The following ZMYND8 variants were observed in gnomAD, a reference collection of about 807,000 sequenced individuals.
ZMYND8 encodes zinc finger MYND-type containing 8.
Under a neutral mutation model 140.8 loss-of-function variants are expected in ZMYND8, and 37 were observed. The observed-to-expected ratio is 0.26, with a 90% CI of 0.20 to 0.35. ZMYND8 has a LOEUF of 0.35. Ranked by LOEUF, ZMYND8 falls within the 10% of genes least tolerant of loss-of-function variation. The probability of loss-of-function intolerance (pLI) is 1.00; values close to 1 mark genes in which losing one functional copy is unlikely to be tolerated. For missense variants in ZMYND8, 1,068 were observed against 1,570.0 expected, an observed-to-expected ratio of 0.68 and a Z score of 5.40; for synonymous variants, 592 against 597.1, an observed-to-expected ratio of 0.99 and a Z score of 0.12.
In ZMYND8 at chr20:47,255,108, C is replaced by T. The variant is rs544743365; in HGVS notation, c.1622-5669G>A. Among the ~76,000 whole-genome samples the T allele has an allele frequency of 1.7e-4, 26 of 152,170 alleles. No homozygotes were observed. The South Asian group carries it at 5.4e-3, about 32-fold the overall frequency. ...TGCACACCAGCCTGGGCAAACAGAG[C>T]GACGCTCCATCTCAAAAAAATAAAT... On this transcript the variant is annotated intron_variant, in intron 12 of 22. Transcript: ENST00000471951.
chr20:47,212,578 G>C (rs2035438868), intron 22 of ZMYND8, 64 bp downstream of exon 22: 21 of 1,563,990 alleles, frequency 1.3e-5, no homozygotes, highest in South Asian at 6.7e-5. Flanking sequence ...GACACACACA[G>C]AACAAGCCTT....
Position 47,246,308 on chromosome 20 carries a change from C to T in ZMYND8, c.1984G>A (p.Val662Met), listed in dbSNP as rs1293509260. The T allele has an allele frequency of 1.2e-6, 2 of 1,614,060 alleles. No homozygotes were observed. The highest frequency in any genetic ancestry group is 2.7e-5 in the African/African-American group (2 of 74,904). ...CTTTTCAGCTCCTCTTTAATCTCCA[C>T]TGGGTTTGTAGGCTTGGGCTTTTTT... ...VKKKPKPTNP[V>M]EIKEELKSTS... The change falls in exon 14 of 23, where the codon GTG becomes ATG. Residue 662 changes from valine (V) to methionine (M), a missense_variant. This residue lies in a region of ZMYND8 where 383 missense variants were observed against 431.2 expected (regional missense o/e 0.89). Coordinates refer to ENST00000471951, the MANE Select transcript of ZMYND8 (RefSeq NM_001281775.3).
At chr20:47,282,586 G>A (rs6063096) in intron 9 of ZMYND8, among the ~76,000 whole-genome samples, 31,889 of 151,986 alleles carry the variant, frequency 0.21, 4,136 homozygotes, top group Non-Finnish European at 0.29. Context: ...TTAACCAGGC[G>A]TGGTGGCACA....
chr20:47,328,643 T>C (rs965332978), intron 2 of ZMYND8, among the ~76,000 whole-genome samples: 2 of 152,130 alleles, frequency 1.3e-5, no homozygotes, highest in Non-Finnish European at 2.9e-5. Flanking sequence ...TTTGTATTTT[T>C]AGTAGAGACA....
intron 1 of ZMYND8, 118 bp from the exon 2 acceptor site, chr20:47,348,044 A>C (rs1224480782): frequency 2.0e-6 from 2 of 997,698 alleles, no homozygotes; most frequent in Non-Finnish European, 3.1e-6. Flanking sequence ...ATCCTTATCC[A>C]GGGCTGGGGG....
chr20:47,282,020 A>G, intron 10 of ZMYND8, 82 bp downstream of exon 10: 1 of 1,095,848 alleles, frequency 9.1e-7, no homozygotes, highest in Middle Eastern at 2.1e-4. Flanking sequence ...TAATAGCTGC[A>G]GCCTCCACTT....
intron 2 of ZMYND8, among the ~76,000 whole-genome samples, chr20:47,321,856 CTTTTTTTTT>C (rs60425976): frequency 1.3e-4 from 16 of 123,480 alleles, no homozygotes; most frequent in Non-Finnish European, 2.2e-4. Flanking sequence ...ACTCGCCGCC[CTTTTTTTTT>C]TTTTTTTTTT....
At chr20:47,232,368 A>G (rs1179857925) in intron 16 of ZMYND8, among the ~76,000 whole-genome samples, 1 of 149,068 alleles carries the variant, frequency 6.7e-6, no homozygotes, top group Non-Finnish European at 1.5e-5. Context: ...CCTTGTCTCA[A>G]AAATAAATAA....
chr20:47,248,997 A>G (rs969287869), intron 13 of ZMYND8, among the ~76,000 whole-genome samples: 3 of 152,124 alleles, frequency 2.0e-5, no homozygotes, highest in Non-Finnish European at 4.4e-5. Context: ...GGCAAAACTC[A>G]GAGGATCCTC....
intron 2 of ZMYND8, among the ~76,000 whole-genome samples, chr20:47,338,971 C>CTTT (rs141938915): frequency 4.3e-5 from 6 of 137,966 alleles, no homozygotes; most frequent in Admixed American, 7.3e-5. Flanking sequence ...ACAATTATTT[C>CTTT]TTTTTTTTTT....
chr20:47,342,603 T>C (rs984934285), intron 2 of ZMYND8, among the ~76,000 whole-genome samples: 1 of 149,268 alleles, frequency 6.7e-6, no homozygotes, highest in African/African-American at 2.5e-5. Flanking sequence ...CCCAGCACTT[T>C]GGGAGGCTGA....
chr20:47,338,491 G>C (rs572184936), intron 2 of ZMYND8, among the ~76,000 whole-genome samples: 1 of 152,156 alleles, frequency 6.6e-6, no homozygotes, highest in East Asian at 1.9e-4. Flanking sequence ...AGATCACTGG[G>C]ACTGAACAAG....
chr20:47,337,089 C>T (rs1035316775), intron 2 of ZMYND8, among the ~76,000 whole-genome samples: 2 of 151,560 alleles, frequency 1.3e-5, no homozygotes, highest in East Asian at 3.9e-4. Flanking sequence ...CGGTGGCTCA[C>T]GCCTGTAATC....
intron 15 of ZMYND8, chr20:47,238,118 AG>A (rs1222911511): frequency 6.5e-6 from 1 of 153,144 alleles, no homozygotes; most frequent in African/African-American, 2.4e-5. Context: ...TGCTCACAGT[AG>A]AAAAAAAACT....
Position 47,247,861 on chromosome 20 carries a change from C to T in ZMYND8, c.1775-1344G>A, listed in dbSNP as rs1207434368. On this transcript the variant is annotated intron_variant, in intron 13 of 22. Coordinates refer to ENST00000471951, the MANE Select transcript of ZMYND8 (RefSeq NM_001281775.3). ...GCATGGTGGTGCACACCTGTGGTCC[C>T]AGCTACTCAGGAGGCTGAGGCAGAA... is the stretch of plus-strand genomic sequence containing the variant. 2.6e-5 allele frequency among the ~76,000 whole-genome samples: 4 copies of T among 152,314 alleles called. No homozygotes were observed. In the East Asian group the frequency reaches 7.7e-4, roughly 29 times the overall value.
intron 3 of ZMYND8, among the ~76,000 whole-genome samples, chr20:47,309,766 T>C (rs967189998): frequency 7.0e-6 from 1 of 143,284 alleles, no homozygotes; most frequent in Non-Finnish European, 1.5e-5. Context: ...CCTAAAAGCA[T>C]GAAAAAAAAA....
intron 3 of ZMYND8, among the ~76,000 whole-genome samples, chr20:47,301,599 T>C (rs2078052742): frequency 6.6e-6 from 1 of 152,172 alleles, no homozygotes; most frequent in Non-Finnish European, 1.5e-5. Context: ...ATCTTCATTT[T>C]ATCCTGACAA....
intron 5 of ZMYND8, 106 bp downstream of exon 5, chr20:47,294,560 A>AGGCC (rs1188512139): frequency 1.0e-6 from 1 of 976,674 alleles, no homozygotes; most frequent in Admixed American, 2.1e-5. Flanking sequence ...GGATGCAAGG[A>AGGCC]GGCCCAAAGA....
intron 2 of ZMYND8, among the ~76,000 whole-genome samples, chr20:47,336,810 G>A (rs940773433): frequency 3.9e-5 from 6 of 152,170 alleles, no homozygotes; most frequent in East Asian, 3.8e-4. Flanking sequence ...TGGCCACAGC[G>A]GATGAGCCAT....
Sources: allele counts gnomAD v4.1 joint callset (sites outside exome capture counted in the v4.1 genomes callset), GRCh38; gene constraint gnomAD v4.1.1; regional missense constraint gnomAD v4.1.1; transcripts MANE v1.5; gene names NCBI Gene and HGNC (gene_info 2026-07-23, HGNC 2026-07-21).